The following FMN1 variants were observed in gnomAD, a reference collection of about 807,000 sequenced individuals.
FMN1 encodes formin-1.
Under a neutral mutation model 132.4 loss-of-function variants are expected in FMN1, and 110 were observed. The ratio of observed to expected loss-of-function variants is 0.83; its 90% confidence interval spans 0.71 to 0.97. FMN1 has a LOEUF of 0.97. Among genes scored for constraint, FMN1 ranks in the 50% least tolerant of loss-of-function variants. FMN1 has a pLI of 0.00. For missense variants in FMN1, 1,792 were observed against 1,705.3 expected (o/e 1.05, Z -0.90); for synonymous variants, 722 against 651.7 (o/e 1.11, Z -1.64).
At chr15:32,845,964 A>AG (rs1289369357) in intron 17 of FMN1, among the ~76,000 whole-genome samples, 1 of 151,796 alleles carries the variant, frequency 6.6e-6, no homozygotes, top group Non-Finnish European at 1.5e-5. Context: ...AGACAAGAAA[A>AG]AAAAAAAGGC....
intron 6 of FMN1, among the ~76,000 whole-genome samples, chr15:33,057,158 C>T (rs750683215): frequency 2.2e-4 from 33 of 152,264 alleles, no homozygotes; most frequent in South Asian, 1.0e-3. Context: ...GCCTGGGTGA[C>T]AGAGCGAGAC....
At chr15:32,866,641 T>C (rs138789433) in intron 16 of FMN1, among the ~76,000 whole-genome samples, 6 of 152,224 alleles carry the variant, frequency 3.9e-5, no homozygotes, top group African/African-American at 1.4e-4. Context: ...TCCAACTGTC[T>C]TTTAAAATTT....
chr15:32,937,544 T>C (rs1412652601), intron 9 of FMN1, among the ~76,000 whole-genome samples: 1 of 152,268 alleles, frequency 6.6e-6, no homozygotes, highest in Admixed American at 6.5e-5. Flanking sequence ...TTCCACCATC[T>C]TGATGACATT....
rs1251130160 is a variant in FMN1 at position 32,978,680 on chromosome 15, A to G, written c.2224-9203T>C. Reference sequence around the variant, plus strand: ...AACAGATGATAAACCCAGGTCCTTAATACACTGTGACAAACTGGGGTTCTC... The same window carrying G: ...AACAGATGATAAACCCAGGTCCTTAGTACACTGTGACAAACTGGGGTTCTC... On this transcript the variant is annotated intron_variant, in intron 7 of 20. Transcript: ENST00000616417. Among the ~76,000 whole-genome samples the G allele has an allele frequency of 6.6e-5, 10 of 152,320 alleles. No homozygotes were observed. The East Asian group carries it at 1.9e-3, about 29-fold the overall frequency.
At chr15:33,042,621 T>G (rs886250048) in intron 6 of FMN1, among the ~76,000 whole-genome samples, 3 of 152,218 alleles carry the variant, frequency 2.0e-5, no homozygotes, top group Non-Finnish European at 2.9e-5. Context: ...GTGTTGGTAC[T>G]ACACAGTCTC....
At chr15:33,189,434 A>C (rs1254399201) in intron 2 of FMN1, among the ~76,000 whole-genome samples, 1 of 152,224 alleles carries the variant, frequency 6.6e-6, no homozygotes, top group Non-Finnish European at 1.5e-5. Flanking sequence ...GGCTGCCTTC[A>C]TCTAAAAAGA....
rs761286546 is a variant in FMN1 at position 33,101,327 on chromosome 15, C to G, written c.1868-12353G>C. On this transcript the variant is annotated intron_variant, in intron 4 of 20. Transcript: ENST00000616417. Reference sequence around the variant, plus strand: ...AATTCAGTTAATGGTATTCTAATTTCAAACTATACTTACCTACATAATCCT... The same window carrying G: ...AATTCAGTTAATGGTATTCTAATTTGAAACTATACTTACCTACATAATCCT... Among the ~76,000 whole-genome samples, 10 of 152,208 alleles carry G rather than the reference C, an allele frequency of 6.6e-5. No individual in the cohort carries two copies. The East Asian group carries it at 7.7e-4, about 12-fold the overall frequency.
chr15:33,045,474 C>T (rs577959732), intron 6 of FMN1, among the ~76,000 whole-genome samples: 106 of 152,310 alleles, frequency 7.0e-4, no homozygotes, highest in African/African-American at 2.4e-3. Context: ...CTGCTGGACC[C>T]ACTTGTCTCC....
intron 4 of FMN1, among the ~76,000 whole-genome samples, chr15:33,112,770 C>T (rs1470217503): frequency 2.0e-5 from 3 of 152,178 alleles, no homozygotes; most frequent in Non-Finnish European, 4.4e-5. Flanking sequence ...CTAGAGATCA[C>T]ATGGGAAATG....
chr15:32,903,451 C>A (rs535456531), intron 12 of FMN1, among the ~76,000 whole-genome samples: 5 of 152,294 alleles, frequency 3.3e-5, no homozygotes, highest in African/African-American at 1.2e-4. Context: ...AGACTGACAG[C>A]ATTTGATCCT....
In FMN1 at chr15:33,154,177, T is replaced by C; in HGVS notation, c.738A>G (p.Thr246=). Residue 246 remains threonine, a synonymous_variant, in exon 4 of 21, where the codon ACA becomes ACG. Coordinates refer to ENST00000616417, the MANE Select transcript of FMN1 (RefSeq NM_001277313.2). ...TCTCAAAGCTCCCAAAGCCAAGGTC[T>C]GTGTCTGGCGTCTTGGGAATATCTG... ...CPPDIPKTPD[T]DLGFGSFETA... 1 of 1,536,460 alleles carries C rather than the reference T, an allele frequency of 6.5e-7. No individual in the cohort carries two copies. Among genetic ancestry groups the C allele is most frequent in the Non-Finnish European group, 8.7e-7 (1 of 1,146,986 alleles).
chr15:33,014,058 A>C (rs535322731), intron 6 of FMN1, among the ~76,000 whole-genome samples: 50 of 152,328 alleles, frequency 3.3e-4, no homozygotes, highest in African/African-American at 1.0e-3. Context: ...TCCCAGTGTG[A>C]CGGGTGGCAG....
chr15:33,187,576 C>T (rs956845454), intron 2 of FMN1, among the ~76,000 whole-genome samples: 10 of 152,198 alleles, frequency 6.6e-5, no homozygotes, highest in Non-Finnish European at 1.5e-4. Flanking sequence ...CAAAAGAATT[C>T]TGTGGGTCAA....
chr15:33,086,314 G>GT (rs1221065432), intron 5 of FMN1, among the ~76,000 whole-genome samples: 2 of 100,058 alleles, frequency 2.0e-5, no homozygotes, highest in Non-Finnish European at 2.2e-5. Flanking sequence ...ATGCTTTTAT[G>GT]TTTAAAAAAA....
At chr15:33,077,624 T>C (rs111550716) in intron 5 of FMN1, among the ~76,000 whole-genome samples, 44 of 152,022 alleles carry the variant, frequency 2.9e-4, no homozygotes, top group African/African-American at 1.0e-3. Flanking sequence ...GTTTGGTTTT[T>C]TTCTCCTTGC....
chr15:32,783,209 GAAAC>G (rs199747336), intron 19 of FMN1, among the ~76,000 whole-genome samples: 4,584 of 152,172 alleles, frequency 0.03, 229 homozygotes, highest in African/African-American at 0.1. Flanking sequence ...GGAAATATAG[GAAAC>G]AAACAAACAT....
At chr15:32,984,283 T>A (rs746501940) in intron 7 of FMN1, among the ~76,000 whole-genome samples, 28 of 152,226 alleles carry the variant, frequency 1.8e-4, no homozygotes, top group Non-Finnish European at 4.1e-4. Context: ...TATTTTCTTT[T>A]ATGCAATAGA....
In FMN1 at chr15:33,038,177, G is replaced by A. The variant is rs147059743; in HGVS notation, c.2161+26780C>T. ...CAGGAGGAAGAGGTAGCAGTGAGCCGAGATCGCACCACTGCACTCCAGCCT... is the reference window on the plus strand; with the variant it reads ...CAGGAGGAAGAGGTAGCAGTGAGCCAAGATCGCACCACTGCACTCCAGCCT... On this transcript the variant is annotated intron_variant, in intron 6 of 20. Coordinates refer to ENST00000616417, the MANE Select transcript of FMN1 (RefSeq NM_001277313.2). Among the ~76,000 whole-genome samples, 401 of 152,322 alleles carry A rather than the reference G, an allele frequency of 2.6e-3. 3 individuals carry two copies. Among genetic ancestry groups the A allele is most frequent in the Non-Finnish European group, 7.6e-4 (52 of 68,014 alleles).
intron 11 of FMN1, among the ~76,000 whole-genome samples, chr15:32,909,915 G>A (rs1014343597): frequency 2.6e-5 from 4 of 151,758 alleles, no homozygotes; most frequent in Non-Finnish European, 4.4e-5. Context: ...TATAATCCCC[G>A]CTATACTGAT....
Sources: allele counts gnomAD v4.1 joint callset (sites outside exome capture counted in the v4.1 genomes callset), GRCh38; gene constraint gnomAD v4.1.1; transcripts MANE v1.5; gene names NCBI Gene and HGNC (gene_info 2026-07-23, HGNC 2026-07-21).